The following POLD3 variants were observed in gnomAD, a reference collection of about 807,000 sequenced individuals.
POLD3 encodes DNA polymerase delta 3, accessory subunit, also known as DNA polymerase delta subunit 3.
Under a neutral mutation model 58.2 loss-of-function variants are expected in POLD3, and 19 were observed. The observed-to-expected ratio is 0.33, with a 90% CI of 0.23 to 0.48. The LOEUF (loss-of-function observed/expected upper bound fraction) is 0.48, where lower values mean the gene tolerates loss of function less well. POLD3 is among the 20% of genes least tolerant of loss of function. POLD3 has a pLI of 0.99. For synonymous variants in POLD3, 172 were observed against 193.5 expected (o/e 0.89, Z 0.92); for missense variants, 504 against 545.5 (o/e 0.92, Z 0.76).
At chr11:74,605,139 C>T (rs2031632389) in intron 3 of POLD3, among the ~76,000 whole-genome samples, 1 of 152,146 alleles carries the variant, frequency 6.6e-6, no homozygotes, top group African/African-American at 2.4e-5. Flanking sequence ...TACAAGTGTT[C>T]AAAAATTATA....
At chr11:74,600,402 C>T (rs970491647) in intron 2 of POLD3, among the ~76,000 whole-genome samples, 1 of 152,068 alleles carries the variant, frequency 6.6e-6, no homozygotes, top group African/African-American at 2.4e-5. Flanking sequence ...CTCAAGCTAT[C>T]CTCCTGCTTC....
chr11:74,592,930 G>T, intron 1 of POLD3: 1 of 1,410,326 alleles, frequency 7.1e-7, no homozygotes. Flanking sequence ...CGCGTCCCTT[G>T]GGTGGGCGTG....
Position 74,636,338 on chromosome 11 carries a change from A to C in POLD3, c.1198+63A>C, listed in dbSNP as rs1462886997. On this transcript the variant is annotated intron_variant, in intron 11 of 11. Transcript: ENST00000263681. ...TCTCTTATTACCACAGAGGCACCAT[A>C]ATCCCTTTTAGAACAGGTACATCTC... 5.9e-6 allele frequency: 9 copies of C among 1,538,050 alleles called. 1 individual carries two copies. In the South Asian group the frequency reaches 1.0e-4, roughly 18 times the overall value.
chr11:74,621,401 G>A (rs1464329734), intron 7 of POLD3, among the ~76,000 whole-genome samples: 1 of 107,436 alleles, frequency 9.3e-6, no homozygotes, highest in African/African-American at 3.5e-5. Context: ...CACCGCCCCC[G>A]ACCCCCCACC....
At chr11:74,632,201 C>T (rs913873501) in intron 9 of POLD3, among the ~76,000 whole-genome samples, 1 of 152,182 alleles carries the variant, frequency 6.6e-6, no homozygotes, top group African/African-American at 2.4e-5. Flanking sequence ...TCCTAGGAAG[C>T]TGTGAATGGT....
rs902099290 is a variant in POLD3, at chr11:74,594,169, G to GTTA, written c.116+55_116+57dup. On this transcript the variant is annotated intron_variant, in intron 2 of 11. Transcript: ENST00000263681. ...TCATATTGGAATTTTTTTTTGTTTT[G>GTTA]TTATGCTTTGCTTTTAACTCTACAG... The GTTA allele has an allele frequency of 8.0e-5, 87 of 1,086,880 alleles. 1 individual carries two copies. The highest frequency in any genetic ancestry group is 7.9e-4 in the Middle Eastern group (4 of 5,056). 67.3% of individuals were successfully genotyped at this position (1,086,880 alleles called of 1,614,324 possible). A position where few individuals can be genotyped will look rare whatever the true frequency, so the allele number is the denominator to read the frequency against.
intron 3 of POLD3, among the ~76,000 whole-genome samples, chr11:74,608,703 C>G (rs1001952464): frequency 6.6e-6 from 1 of 152,142 alleles, no homozygotes; most frequent in Non-Finnish European, 1.5e-5. Context: ...CTGGTCTATT[C>G]AGATCTTCTC....
At chr11:74,660,110 GC>G (rs2033186747) in intron 4 of POLD3, among the ~76,000 whole-genome samples, 1 of 152,198 alleles carries the variant, frequency 6.6e-6, no homozygotes, top group Non-Finnish European at 1.5e-5. Flanking sequence ...TTCTTACATG[GC>G]AGCAGCAAGA....
downstream of POLD3, among the ~76,000 whole-genome samples, chr11:74,647,788 G>A (rs898451080): frequency 3.3e-5 from 5 of 152,102 alleles, no homozygotes; most frequent in Non-Finnish European, 7.4e-5. Flanking sequence ...CCCAGCACTG[G>A]TGCATTAAAT....
chr11:74,613,610 T>C (rs2031985321), intron 5 of POLD3, among the ~76,000 whole-genome samples: 1 of 152,190 alleles, frequency 6.6e-6, no homozygotes, highest in South Asian at 2.1e-4. Context: ...TTAAATTCAA[T>C]GTAATAATGT....
intron 8 of POLD3, among the ~76,000 whole-genome samples, chr11:74,625,871 T>TTGTGTGTGTGTGTGTGTGTG (rs56365420): frequency 7.7e-5 from 11 of 143,680 alleles, no homozygotes; most frequent in South Asian, 4.5e-4. Flanking sequence ...GTGTGCCTAG[T>TTGTGTGTGTGTGTGTGTGTG]TGTGTGTGTG....
intron 11 of POLD3, among the ~76,000 whole-genome samples, chr11:74,636,831 A>G (rs557811921): frequency 9.8e-5 from 15 of 152,326 alleles, no homozygotes; most frequent in African/African-American, 3.4e-4. Flanking sequence ...TTTGTAAGCC[A>G]TGTTAGGTAA....
intron 7 of POLD3, among the ~76,000 whole-genome samples, chr11:74,622,656 G>T (rs994718380): frequency 6.6e-6 from 1 of 152,196 alleles, no homozygotes; most frequent in Admixed American, 6.5e-5. Flanking sequence ...TCACTGTGGG[G>T]ACTTGAACCA....
chr11:74,610,444 C>G (rs12295991), intron 3 of POLD3, among the ~76,000 whole-genome samples: 11 of 152,056 alleles, frequency 7.2e-5, no homozygotes, highest in Non-Finnish European at 1.2e-4. Context: ...CTCTTGACCT[C>G]GTGATCTGCC....
chr11:74,638,123 G>T (rs1215984818), intron 11 of POLD3, among the ~76,000 whole-genome samples: 1 of 152,106 alleles, frequency 6.6e-6, no homozygotes, highest in Admixed American at 6.6e-5. Context: ...TGTTACCCAC[G>T]AAAACCAGGT....
intron 11 of POLD3, among the ~76,000 whole-genome samples, chr11:74,638,196 C>T (rs2032809167): frequency 1.3e-5 from 2 of 151,818 alleles, no homozygotes; most frequent in African/African-American, 4.8e-5. Flanking sequence ...AAATAAAGGC[C>T]CTATATTTTT....
chr11:74,620,789 A>G (rs1427907145), intron 7 of POLD3, among the ~76,000 whole-genome samples: 1 of 152,192 alleles, frequency 6.6e-6, no homozygotes, highest in Non-Finnish European at 1.5e-5. Flanking sequence ...TAATTATGGC[A>G]CACTTTCTTG....
chr11:74,621,849 TTTTATTTATTTA>T (rs60400893), intron 7 of POLD3, among the ~76,000 whole-genome samples: 1 of 149,394 alleles, frequency 6.7e-6, no homozygotes, highest in African/African-American at 2.4e-5. Flanking sequence ...CCTCATTTCT[TTTTATTTATTTA>T]TTTATTTATT....
downstream of POLD3, among the ~76,000 whole-genome samples, chr11:74,646,003 A>G (rs2032994622): frequency 1.3e-5 from 2 of 151,856 alleles, no homozygotes; most frequent in Admixed American, 6.6e-5. Flanking sequence ...CAGAGGCACA[A>G]TCTCGGCTCA....
Sources: gnomAD v4.1 joint callset for allele counts (sites outside exome capture counted in the v4.1 genomes callset) on GRCh38, gnomAD v4.1.1 for gene constraint, MANE v1.5 for transcripts, NCBI Gene and HGNC (gene_info 2026-07-23, HGNC 2026-07-21) for gene names.